Variants in ALDH1A2 observed in about 807,000 individuals in gnomAD.
The protein encoded by ALDH1A2 is aldehyde dehydrogenase 1 family member A2, also known as retinal dehydrogenase 2.
In ALDH1A2, 27 loss-of-function variants were observed where a neutral mutation model predicts 60.3. The observed-to-expected ratio is 0.45, with a 90% confidence interval of 0.33 to 0.62. ALDH1A2 has a LOEUF of 0.62. Among genes scored for constraint, ALDH1A2 ranks in the 20% least tolerant of loss-of-function variants. The pLI, the probability that ALDH1A2 is intolerant of heterozygous loss-of-function variation, is 0.02. For missense variants in ALDH1A2, 581 were observed against 643.8 expected (o/e 0.90, Z 1.06); for synonymous variants, 289 against 232.4 (o/e 1.24, Z -2.21).
chr15:58,061,382 C>T (rs998707901), intron 1 of ALDH1A2, among the ~76,000 whole-genome samples: 3 of 151,694 alleles, frequency 2.0e-5, no homozygotes, highest in Non-Finnish European at 2.9e-5. Context: ...TAGATCCACA[C>T]CTATCTTTTA....
chr15:58,031,342 T>A (rs1386148142), intron 1 of ALDH1A2, among the ~76,000 whole-genome samples: 9 of 152,206 alleles, frequency 5.9e-5, no homozygotes, highest in African/African-American at 2.2e-4. Context: ...ATCCCTTCCT[T>A]ACACCTTGTA....
Position 58,010,640 on chromosome 15 carries a change from T to A in ALDH1A2, c.493+9A>T. 6.2e-7 allele frequency: 1 copy of A among 1,612,584 alleles called. No homozygotes were observed. The highest frequency in any genetic ancestry group is 8.5e-7 in the Non-Finnish European group (1 of 1,178,828). The stretch of plus-strand genomic sequence containing the variant: ...GTTTTCCTTTTCAACGTACTCAGAT[T>A]TCACATACCTACAGGAATGGTCATC... On this transcript the variant is annotated intron_variant, in intron 4 of 12. Transcript: ENST00000249750.
chr15:58,052,810 G>T (rs2140572757), intron 1 of ALDH1A2, among the ~76,000 whole-genome samples: 1 of 152,206 alleles, frequency 6.6e-6, no homozygotes, highest in Middle Eastern at 3.4e-3. Flanking sequence ...TACACTGAAA[G>T]GTTTCTATTT....
At chr15:58,041,882 G>C (rs1341177968) in intron 1 of ALDH1A2, among the ~76,000 whole-genome samples, 1 of 151,932 alleles carries the variant, frequency 6.6e-6, no homozygotes, top group Non-Finnish European at 1.5e-5. Context: ...AATAGGAACA[G>C]TAAGAGATTA....
rs550496870 is a variant in ALDH1A2 at position 57,988,857 on chromosome 15, A to G, written c.798+3848T>C. Among the ~76,000 whole-genome samples the G allele has an allele frequency of 3.4e-5, 5 of 148,578 alleles. No homozygotes were observed. In the East Asian group the frequency reaches 7.8e-4, roughly 23 times the overall value. On this transcript the variant is annotated intron_variant, in intron 7 of 12. Transcript: ENST00000249750. The stretch of plus-strand genomic sequence containing the variant: ...TGAAAGAGGAGATTCCATTTATTCA[A>G]TTTAACTTCCACTACCTGATATTGT...
At chr15:57,991,859 G>C (rs1216671278) in intron 7 of ALDH1A2, among the ~76,000 whole-genome samples, 4 of 152,100 alleles carry the variant, frequency 2.6e-5, no homozygotes, top group African/African-American at 9.7e-5. Context: ...GGTTCTACTT[G>C]AAACAATGAA....
chr15:57,980,840 A>G (rs1273349144), intron 7 of ALDH1A2, among the ~76,000 whole-genome samples: 4 of 151,994 alleles, frequency 2.6e-5, no homozygotes, highest in African/African-American at 9.7e-5. Context: ...TATTGTTTGG[A>G]ATTGTTTCAG....
chr15:58,040,644 C>T (rs1240105809), intron 1 of ALDH1A2, among the ~76,000 whole-genome samples: 3 of 151,876 alleles, frequency 2.0e-5, no homozygotes, highest in Non-Finnish European at 1.5e-5. Context: ...GGCTGTTCCC[C>T]GTCTCCTCTG....
intron 1 of ALDH1A2, among the ~76,000 whole-genome samples, chr15:58,057,298 A>C (rs965416145): frequency 9.4e-5 from 14 of 149,376 alleles, no homozygotes; most frequent in African/African-American, 3.4e-4. Context: ...TAACAAGCTA[A>C]TCAAATTACA....
Position 57,963,866 on chromosome 15 carries a change from A to G in ALDH1A2, c.1086+19T>C. On this transcript the variant is annotated intron_variant, in intron 9 of 12. Transcript: ENST00000249750. ...GTCAAGGATTAAGTAAACAAAGGGA[A>G]TGGTTATGATTTTTCTACCTGGGGA... is the stretch of plus-strand genomic sequence containing the variant. 6.2e-7 allele frequency: 1 copy of G among 1,613,602 alleles called. No individual in the cohort carries two copies. The highest frequency in any genetic ancestry group is 1.1e-5 in the South Asian group (1 of 91,064).
chr15:57,961,603 A>G (rs1002233558), intron 10 of ALDH1A2, among the ~76,000 whole-genome samples: 2 of 152,188 alleles, frequency 1.3e-5, no homozygotes, highest in Non-Finnish European at 2.9e-5. Context: ...ACTGCTCCAG[A>G]ACGGAATGCT....
intron 7 of ALDH1A2, among the ~76,000 whole-genome samples, chr15:57,973,716 CAAT>C (rs1470337623): frequency 6.6e-6 from 1 of 152,164 alleles, no homozygotes; most frequent in Non-Finnish European, 1.5e-5. Flanking sequence ...TAGTGTCTGC[CAAT>C]AATGTCATTC....
intron 1 of ALDH1A2, among the ~76,000 whole-genome samples, chr15:58,041,360 C>T (rs900458740): frequency 8.6e-5 from 13 of 151,896 alleles, no homozygotes; most frequent in African/African-American, 1.4e-4. Context: ...GTGTTACATG[C>T]GCCATAAAAT....
chr15:57,973,678 G>A (rs966244380), intron 7 of ALDH1A2, among the ~76,000 whole-genome samples: 3 of 152,134 alleles, frequency 2.0e-5, no homozygotes, highest in Admixed American at 2.0e-4. Context: ...TTATATTCTA[G>A]ACAAATGCCG....
chr15:58,047,806 C>T (rs534706180), intron 1 of ALDH1A2, among the ~76,000 whole-genome samples: 46 of 151,792 alleles, frequency 3.0e-4, no homozygotes, highest in Admixed American at 8.5e-4. Context: ...TTGCTTCACG[C>T]CAAAACATCT....
chr15:58,034,539 C>A (rs1896326811), intron 1 of ALDH1A2, among the ~76,000 whole-genome samples: 1 of 151,504 alleles, frequency 6.6e-6, no homozygotes, highest in Admixed American at 6.6e-5. Context: ...TGTCTTGATC[C>A]CAGTCATAGT....
At chr15:58,031,979 A>G (rs1425919492) in intron 1 of ALDH1A2, among the ~76,000 whole-genome samples, 1 of 152,232 alleles carries the variant, frequency 6.6e-6, no homozygotes. Context: ...TAGAAATACC[A>G]TTTGACCCAG....
chr15:57,963,952 C>T lies in ALDH1A2; in HGVS notation c.1019G>A (p.Ser340Asn). The T allele has an allele frequency of 6.2e-7, 1 of 1,614,164 alleles. No individual in the cohort carries two copies. The highest frequency in any genetic ancestry group is 2.2e-5 in the East Asian group (1 of 44,862). The change falls in exon 9 of 13, where the codon AGC becomes AAC. Residue 340 changes from serine to asparagine, a missense_variant. Around this residue, in one of 2 missense-constraint regions of ALDH1A2, gnomAD observed 375 missense variants for 469.7 expected, o/e 0.80. Coordinates refer to ENST00000249750, the MANE Select transcript of ALDH1A2 (RefSeq NM_003888.4). ...ESIYEEFVRR[S>N]VERAKRRVVG... ...TACGCGCCTCTTGGCCCGCTCCACG[C>T]TTCTTCTCACAAACTCCTCATAGAT...
chr15:58,039,236 C>G (rs940320661), intron 1 of ALDH1A2, among the ~76,000 whole-genome samples: 1 of 151,422 alleles, frequency 6.6e-6, no homozygotes, highest in African/African-American at 2.4e-5. Context: ...GGAATCCCTG[C>G]AAAGTCTCAG....
Sources: allele counts gnomAD v4.1 joint callset (sites outside exome capture counted in the v4.1 genomes callset), GRCh38; gene constraint gnomAD v4.1.1; regional missense constraint gnomAD v4.1.1; transcripts MANE v1.5; gene names NCBI Gene and HGNC (gene_info 2026-07-23, HGNC 2026-07-21).